The following KHDRBS3 variants were observed in gnomAD, a reference collection of about 807,000 sequenced individuals.
KHDRBS3 encodes the protein KH RNA binding domain containing, signal transduction associated 3.
KHDRBS3 carries 23 observed loss-of-function variants against 45.6 expected under a neutral mutation model. The ratio of observed to expected loss-of-function variants is 0.50; its 90% CI spans 0.36 to 0.72. KHDRBS3 has a LOEUF of 0.72. Among genes scored for constraint, KHDRBS3 ranks in the 30% least tolerant of loss-of-function variants. KHDRBS3 has a pLI of 0.00. For synonymous variants in KHDRBS3, 162 were observed against 156.5 expected (o/e 1.04, Z -0.26); for missense variants, 352 against 424.8 (o/e 0.83, Z 1.51).
downstream of KHDRBS3, among the ~76,000 whole-genome samples, chr8:135,649,180 C>T (rs943323613): frequency 1.3e-5 from 2 of 152,074 alleles, no homozygotes; most frequent in African/African-American, 4.8e-5. Flanking sequence ...TCTCTTTTTA[C>T]ATTTTCTTGA....
At chr8:135,652,480 G>A (rs934745249), downstream of KHDRBS3, among the ~76,000 whole-genome samples, 15 of 152,230 alleles carry the variant, frequency 9.9e-5, no homozygotes, top group Non-Finnish European at 2.1e-4. Context: ...CTGGAGCACA[G>A]CATGCTCTGA....
At chr8:135,509,286 G>A (rs1431765686) in intron 1 of KHDRBS3, among the ~76,000 whole-genome samples, 1 of 152,118 alleles carries the variant, frequency 6.6e-6, no homozygotes, top group Non-Finnish European at 1.5e-5. Context: ...TGGTATCTGG[G>A]GAAACAAGCA....
intron 1 of KHDRBS3, among the ~76,000 whole-genome samples, chr8:135,509,413 A>C (rs1171173804): frequency 1.3e-5 from 2 of 152,172 alleles, no homozygotes; most frequent in Non-Finnish European, 2.9e-5. Context: ...TGAGGACTGA[A>C]TGTTTATAAA....
chr8:135,532,557 G>A (rs1329694228), intron 2 of KHDRBS3, among the ~76,000 whole-genome samples: 4 of 152,144 alleles, frequency 2.6e-5, no homozygotes, highest in Non-Finnish European at 5.9e-5. Flanking sequence ...TGTTATGTGT[G>A]TGTACACACA....
intron 6 of KHDRBS3, among the ~76,000 whole-genome samples, chr8:135,584,118 C>T (rs1485376260): frequency 6.6e-6 from 1 of 152,174 alleles, no homozygotes; most frequent in Non-Finnish European, 1.5e-5. Flanking sequence ...AGGAAAAAGT[C>T]AACCTTCATT....
At chr8:135,603,998 T>G (rs147905500) in intron 6 of KHDRBS3, among the ~76,000 whole-genome samples, 8 of 152,166 alleles carry the variant, frequency 5.3e-5, no homozygotes, top group African/African-American at 1.9e-4. Flanking sequence ...TTACTGAAAG[T>G]GTGTTGATGA....
intron 5 of KHDRBS3, among the ~76,000 whole-genome samples, chr8:135,581,670 A>G (rs959152121): frequency 3.3e-5 from 5 of 152,192 alleles, no homozygotes; most frequent in Non-Finnish European, 5.9e-5. Context: ...AGACTTCTAT[A>G]TTGTTGCTAG....
At chr8:135,462,344 A>T (rs1226550919) in intron 1 of KHDRBS3, among the ~76,000 whole-genome samples, 1 of 151,668 alleles carries the variant, frequency 6.6e-6, no homozygotes, top group African/African-American at 2.4e-5. Context: ...ATTGTGAGTT[A>T]CAGGGTTTTG....
At chr8:135,550,469 T>C (rs1826532749) in intron 4 of KHDRBS3, among the ~76,000 whole-genome samples, 1 of 152,220 alleles carries the variant, frequency 6.6e-6, no homozygotes, top group Non-Finnish European at 1.5e-5. Flanking sequence ...TAGCACCATA[T>C]GTTGAAAAGA....
intron 1 of KHDRBS3, among the ~76,000 whole-genome samples, chr8:135,488,066 T>G (rs918357851): frequency 2.6e-5 from 4 of 152,228 alleles, no homozygotes; most frequent in African/African-American, 9.6e-5. Flanking sequence ...TGTGTATGTA[T>G]AAGTGTGTAT....
Position 135,457,996 on chromosome 8 carries a change from G to T in KHDRBS3, c.88+42G>T. On this transcript the variant is annotated intron_variant, in intron 1 of 8. Coordinates refer to ENST00000355849, the MANE Select transcript of KHDRBS3 (RefSeq NM_006558.3). This position sits in a 1 kb window ranked among gnomAD's most constrained non-coding sequence, Gnocchi z 4.4. ...TAACTGCCGGCCGGCGGCGGTTGGG[G>T]GCCGGGTGGAAACGCGGGGGCCCAG... 6.5e-7 allele frequency: 1 copy of T among 1,541,456 alleles called. No homozygotes were observed. Among genetic ancestry groups the T allele is most frequent in the Non-Finnish European group, 8.7e-7 (1 of 1,146,136 alleles).
At chr8:135,511,987 T>C (rs765436149) in intron 1 of KHDRBS3, among the ~76,000 whole-genome samples, 17 of 152,224 alleles carry the variant, frequency 1.1e-4, no homozygotes, top group Non-Finnish European at 2.1e-4. Flanking sequence ...TAGACTGATA[T>C]GTGTCTCTAC....
At chr8:135,494,016 T>C (rs888840968) in intron 1 of KHDRBS3, among the ~76,000 whole-genome samples, 10 of 152,128 alleles carry the variant, frequency 6.6e-5, no homozygotes, top group African/African-American at 2.4e-4. Flanking sequence ...ATCTGAATTA[T>C]CAAATTTATT....
Position 135,613,230 on chromosome 8 carries a change from C to T in KHDRBS3, c.890+6193C>T, listed in dbSNP as rs940702325. ...AGTTCAAAAACATTTTTATTTGTGC[C>T]GATGTATTATCAGAAACAGAGACCG... On this transcript the variant is annotated intron_variant, in intron 7 of 8. Coordinates refer to ENST00000355849, the MANE Select transcript of KHDRBS3 (RefSeq NM_006558.3). Among the ~76,000 whole-genome samples, 16 of 151,800 alleles carry T rather than the reference C, an allele frequency of 1.1e-4. 1 individual carries two copies. Among genetic ancestry groups the T allele is most frequent in the African/African-American group, 3.9e-4 (16 of 41,128 alleles).
At chr8:135,503,978 GT>G (rs747528596) in intron 1 of KHDRBS3, among the ~76,000 whole-genome samples, 1 of 152,110 alleles carries the variant, frequency 6.6e-6, no homozygotes, top group South Asian at 2.1e-4. Context: ...GTTATGTGTG[GT>G]TTCCAGAAAT....
intron 2 of KHDRBS3, among the ~76,000 whole-genome samples, chr8:135,524,050 C>T (rs540480445): frequency 6.6e-6 from 1 of 152,022 alleles, no homozygotes; most frequent in Non-Finnish European, 1.5e-5. Flanking sequence ...GAGTCTCACT[C>T]TGTTGCCCAG....
chr8:135,475,894 T>C (rs537570624), intron 1 of KHDRBS3, among the ~76,000 whole-genome samples: 1 of 152,262 alleles, frequency 6.6e-6, no homozygotes, highest in African/African-American at 2.4e-5. Flanking sequence ...ACCAAATGCT[T>C]TGGACTTCAT....
chr8:135,543,375 C>T (rs888298043), intron 3 of KHDRBS3, among the ~76,000 whole-genome samples: 7 of 151,960 alleles, frequency 4.6e-5, no homozygotes, highest in Non-Finnish European at 1.0e-4. Context: ...TGAAAATTTT[C>T]TCATATCATA....
intron 3 of KHDRBS3, among the ~76,000 whole-genome samples, chr8:135,546,010 C>T (rs961402663): frequency 2.0e-5 from 3 of 151,936 alleles, no homozygotes; most frequent in African/African-American, 7.3e-5. Context: ...TGGTGGTGCA[C>T]GTCTGTAATC....
Sources: allele counts gnomAD v4.1 joint callset (sites outside exome capture counted in the v4.1 genomes callset), GRCh38; gene constraint gnomAD v4.1.1; non-coding constraint Gnocchi (gnomAD v3.1); transcripts MANE v1.5; gene names NCBI Gene and HGNC (gene_info 2026-07-23, HGNC 2026-07-21).